GALNT13: variants seen among roughly 807,000 people sequenced by gnomAD.
GALNT13 encodes the protein polypeptide N-acetylgalactosaminyltransferase 13, also known as UDP-GalNAc:polypeptide N-acetylgalactosaminyltransferase 13.
In GALNT13, 28 loss-of-function variants were observed where a neutral mutation model predicts 64.2. That is an observed-to-expected ratio of 0.44 (90% confidence interval 0.32 to 0.60). The LOEUF (loss-of-function observed/expected upper bound fraction) is 0.60, where lower values mean the gene tolerates loss of function less well. Among genes scored for constraint, GALNT13 ranks in the 20% least tolerant of loss-of-function variants. GALNT13 has a pLI of 0.05. For missense variants in GALNT13, 577 were observed against 669.8 expected, an observed-to-expected ratio of 0.86 and a Z score of 1.53; for synonymous variants, 214 against 224.6, an observed-to-expected ratio of 0.95 and a Z score of 0.42.
chr2:153,491,343 G>A, the GALNT13 span, among the ~76,000 whole-genome samples: 100 of 152,052 alleles, frequency 6.6e-4, no homozygotes, highest in East Asian at 9.1e-3. Flanking sequence ...GAAGATTTGA[G>A]CTAATAACGT....
chr2:153,245,889 C>T, the GALNT13 span, among the ~76,000 whole-genome samples: 1 of 152,050 alleles, frequency 6.6e-6, no homozygotes, highest in East Asian at 1.9e-4. Flanking sequence ...TGCAAGCAGG[C>T]TAAGAATCTT....
chr2:153,287,178 G>A, the GALNT13 span, among the ~76,000 whole-genome samples: 2 of 152,192 alleles, frequency 1.3e-5, no homozygotes, highest in Non-Finnish European at 2.9e-5. Flanking sequence ...GCACGCGATG[G>A]GGGTGTGGCT....
chr2:154,051,354 A>T (rs962825486), intron 3 of GALNT13, among the ~76,000 whole-genome samples: 1 of 140,536 alleles, frequency 7.1e-6, no homozygotes, highest in African/African-American at 2.7e-5. Flanking sequence ...GCAGTGGCGC[A>T]ATCTCGGCTC....
Position 154,152,459 on chromosome 2 carries a change from T to C in GALNT13, c.311+11954T>C, listed in dbSNP as rs899888141. Among the ~76,000 whole-genome samples, 5 of 152,326 alleles carry C rather than the reference T, an allele frequency of 3.3e-5. No individual in the cohort carries two copies. In the South Asian group the frequency reaches 1.0e-3, roughly 32 times the overall value. On this transcript the variant is annotated intron_variant, in intron 4 of 12. Transcript: ENST00000392825. The stretch of plus-strand genomic sequence containing the variant: ...TCTTTGTGGCGTTCTCTGTATTTCC[T>C]GAATCCAAATGTTGGCCTGCCTTGC...
the GALNT13 span, among the ~76,000 whole-genome samples, chr2:153,759,104 A>C: frequency 6.6e-6 from 1 of 152,094 alleles, no homozygotes; most frequent in Non-Finnish European, 1.5e-5. Context: ...CAGATTGTTC[A>C]TTGTTAGTGC....
rs751258487 is a variant in GALNT13 at position 153,944,511 on chromosome 2, T to G, written c.14T>G (p.Val5Gly). The change falls in exon 3 of 13, where the codon GTC becomes GGC. Residue 5 changes from valine to glycine, a missense_variant. This residue lies in a region of GALNT13 where 341 missense variants were observed against 379.3 expected (regional missense o/e 0.90). Coordinates refer to ENST00000392825, the MANE Select transcript of GALNT13 (RefSeq NM_052917.4). ...TCAAGGAAAGACATGAGGAGATTTG[T>G]CTACTGCAAGGTGGTTCTAGCCACT... MRRF[V>G]YCKVVLATSL... 1.1e-5 allele frequency: 17 copies of G among 1,613,036 alleles called. No individual in the cohort carries two copies. Among genetic ancestry groups the G allele is most frequent in the Non-Finnish European group, 1.4e-5 (16 of 1,179,466 alleles).
the GALNT13 span, among the ~76,000 whole-genome samples, chr2:153,434,745 G>T: frequency 6.6e-6 from 1 of 152,092 alleles, no homozygotes; most frequent in Non-Finnish European, 1.5e-5. Flanking sequence ...TGTCAGATAA[G>T]TAGGTTGCAA....
the GALNT13 span, among the ~76,000 whole-genome samples, chr2:153,162,298 C>T: frequency 1.3e-5 from 2 of 152,282 alleles, no homozygotes; most frequent in Non-Finnish European, 2.9e-5. Context: ...TCACATTTTT[C>T]ATCCATTTTT....
the GALNT13 span, among the ~76,000 whole-genome samples, chr2:153,327,208 A>G: frequency 6.6e-6 from 1 of 152,164 alleles, no homozygotes; most frequent in Non-Finnish European, 1.5e-5. Flanking sequence ...GGGTAACCCT[A>G]TTCTTCTCTC....
chr2:153,963,178 C>G (rs1693058884), intron 3 of GALNT13, among the ~76,000 whole-genome samples: 1 of 152,176 alleles, frequency 6.6e-6, no homozygotes, highest in South Asian at 2.1e-4. Flanking sequence ...ACTATAAATC[C>G]TATTAGTAGT....
At chr2:153,762,152 A>G in the GALNT13 span, 1 of 152,172 alleles carries the variant, frequency 6.6e-6, no homozygotes, top group Admixed American at 6.5e-5. Flanking sequence ...CCCAGGCCCT[A>G]TTGCATGAAT....
At chr2:153,210,205 G>T in the GALNT13 span, among the ~76,000 whole-genome samples, 11 of 151,980 alleles carry the variant, frequency 7.2e-5, no homozygotes, top group Non-Finnish European at 1.3e-4. Flanking sequence ...AGGACCTCTG[G>T]TACAATGGTG....
chr2:153,170,637 T>A, the GALNT13 span, among the ~76,000 whole-genome samples: 1 of 152,206 alleles, frequency 6.6e-6, no homozygotes, highest in Non-Finnish European at 1.5e-5. Context: ...AATGATGCAT[T>A]GTATGGCTAA....
the GALNT13 span, among the ~76,000 whole-genome samples, chr2:153,540,327 G>A: frequency 1.4e-3 from 207 of 152,342 alleles, no homozygotes; most frequent in Non-Finnish European, 2.3e-3. Context: ...GTTGATGTTT[G>A]GAAACCTCTG....
the GALNT13 span, among the ~76,000 whole-genome samples, chr2:153,258,032 G>C: frequency 7.4e-3 from 1,120 of 152,194 alleles, 16 homozygotes; most frequent in Non-Finnish European, 8.7e-3. Flanking sequence ...ACCTGAAGAA[G>C]AGAGGAATTT....
chr2:154,019,409 T>A (rs1333802002), intron 3 of GALNT13, among the ~76,000 whole-genome samples: 1 of 151,856 alleles, frequency 6.6e-6, no homozygotes, highest in African/African-American at 2.4e-5. Context: ...CCAAGGCAGG[T>A]GAATCATGAG....
intron 2 of GALNT13, among the ~76,000 whole-genome samples, chr2:153,938,503 T>C (rs764054323): frequency 6.6e-6 from 1 of 152,226 alleles, no homozygotes; most frequent in African/African-American, 2.4e-5. Flanking sequence ...GACAGCCATG[T>C]TCACCTGTTT....
intron 3 of GALNT13, among the ~76,000 whole-genome samples, chr2:154,122,419 A>G (rs1421556768): frequency 6.6e-6 from 1 of 151,892 alleles, no homozygotes; most frequent in African/African-American, 2.4e-5. Context: ...CTGGTTTGGT[A>G]TTAAGGTAAT....
At chr2:154,015,741 G>C (rs1696960103) in intron 3 of GALNT13, among the ~76,000 whole-genome samples, 1 of 152,064 alleles carries the variant, frequency 6.6e-6, no homozygotes, top group Non-Finnish European at 1.5e-5. Flanking sequence ...CACATATTTT[G>C]AATGTTCCTA....
Sources: gnomAD v4.1 joint callset for allele counts (sites outside exome capture counted in the v4.1 genomes callset) on GRCh38, gnomAD v4.1.1 for gene constraint, gnomAD v4.1.1 regional missense constraint, MANE v1.5 for transcripts, NCBI Gene and HGNC (gene_info 2026-07-23, HGNC 2026-07-21) for gene names.